IQCB1: variants seen among roughly 807,000 people sequenced by gnomAD.
IQCB1 encodes IQ calmodulin-binding motif-containing protein 1.
A neutral mutation model predicts 84.4 loss-of-function variants in IQCB1; 56 were observed. The ratio of observed to expected loss-of-function variants is 0.66; its 90% CI spans 0.54 to 0.83. The LOEUF is 0.83. Among genes scored for constraint, IQCB1 ranks in the 40% least tolerant of loss-of-function variants. The pLI is 0.00. For synonymous variants in IQCB1, 210 were observed against 234.8 expected (o/e 0.89, Z 0.96); for missense variants, 629 against 682.1 (o/e 0.92, Z 0.87).
At chr3:121,775,485 A>G (rs4676748) in intron 13 of IQCB1, among the ~76,000 whole-genome samples, 97,833 of 151,898 alleles carry the variant, frequency 0.64, 31,978 homozygotes, top group African/African-American at 0.72. Flanking sequence ...GGGGTAGGGA[A>G]CTAAGGGAGG....
intron 10 of IQCB1, among the ~76,000 whole-genome samples, chr3:121,794,129 G>C (rs760924696): frequency 3.0e-4 from 45 of 151,590 alleles, no homozygotes; most frequent in South Asian, 4.2e-4. Flanking sequence ...TCTAACCACA[G>C]AAATGCTTTT....
chr3:121,802,895 T>C (rs1367061090), intron 7 of IQCB1, among the ~76,000 whole-genome samples: 5 of 152,188 alleles, frequency 3.3e-5, no homozygotes, highest in African/African-American at 1.2e-4. Flanking sequence ...TAATTTCTAA[T>C]TTCACTTTTG....
Position 121,770,095 on chromosome 3 carries a change from C to CA in IQCB1, c.*249_*250insT. On this transcript the variant is annotated 3_prime_UTR_variant, in exon 15 of 15. Coordinates refer to ENST00000310864, the MANE Select transcript of IQCB1 (RefSeq NM_001023570.4). ...CACACTTCATGTAAACAACAGAACA[C>CA]TATGCTAAGTTTAGTTCTACAATAA... 1 of 421,512 alleles carries CA rather than the reference C, an allele frequency of 2.4e-6. No homozygotes were observed. The allele number at this position is 421,512 out of a possible 1,614,324, so 26.1% of individuals were successfully genotyped here.
intron 14 of IQCB1, among the ~76,000 whole-genome samples, chr3:121,772,122 C>G (rs1334088962): frequency 6.6e-6 from 1 of 152,010 alleles, no homozygotes. Context: ...TTGCAGTGAG[C>G]CAAGATCACA....
At position 121,795,442 on chromosome 3, in the gene IQCB1, A is replaced by T; in HGVS notation, c.986+15T>A. The T allele has an allele frequency of 7.2e-7, 1 of 1,380,220 alleles. No homozygotes were observed. The highest frequency in any genetic ancestry group is 1.0e-6 in the Non-Finnish European group (1 of 968,708). The allele number at this position is 1,380,220 out of a possible 1,614,324, so 85.5% of individuals were successfully genotyped here. A position where few individuals can be genotyped will look rare whatever the true frequency, so the allele number is the denominator to read the frequency against. ...AGATTCTATGATCATCAATCCCCTC[A>T]CCAAATTTTTTTACCTGAAACTCCT... is the stretch of plus-strand genomic sequence containing the variant. On this transcript the variant is annotated intron_variant, in intron 10 of 14. Transcript: ENST00000310864.
chr3:121,795,610 T>TAA, intron 9 of IQCB1, 44 bp from the exon 10 acceptor site: 8 of 1,025,208 alleles, frequency 7.8e-6, no homozygotes, highest in Admixed American at 2.3e-5. Context: ...AGGAAGGTCT[T>TAA]TAAAAAAAAA....
intron 5 of IQCB1, among the ~76,000 whole-genome samples, chr3:121,820,598 T>A (rs1342652248): frequency 6.6e-6 from 1 of 152,214 alleles, no homozygotes; most frequent in African/African-American, 2.4e-5. Flanking sequence ...CACTTGAAAA[T>A]GCAACTAACT....
At chr3:121,793,765 A>G (rs1949080741) in intron 10 of IQCB1, among the ~76,000 whole-genome samples, 1 of 152,206 alleles carries the variant, frequency 6.6e-6, no homozygotes, top group Admixed American at 6.5e-5. Flanking sequence ...AAAGAAAGCA[A>G]TGGAATTTCT....
intron 5 of IQCB1, among the ~76,000 whole-genome samples, chr3:121,825,531 T>G (rs1950437245): frequency 6.6e-6 from 1 of 152,124 alleles, no homozygotes; most frequent in Non-Finnish European, 1.5e-5. Context: ...TCTTCAAATA[T>G]TTGGAAATTA....
At chr3:121,809,825 AATG>A (rs1949757350) in intron 5 of IQCB1, among the ~76,000 whole-genome samples, 1 of 152,064 alleles carries the variant, frequency 6.6e-6, no homozygotes, top group Admixed American at 6.6e-5. Flanking sequence ...GCACAAAAGT[AATG>A]ATGAGACCCG....
At chr3:121,812,560 G>A (rs558752531) in intron 5 of IQCB1, among the ~76,000 whole-genome samples, 2 of 152,196 alleles carry the variant, frequency 1.3e-5, no homozygotes, top group African/African-American at 2.4e-5. Context: ...AGAATAACCA[G>A]TTTAGGAGAA....
At chr3:121,811,069 T>C (rs1417422346) in intron 5 of IQCB1, among the ~76,000 whole-genome samples, 1 of 152,104 alleles carries the variant, frequency 6.6e-6, no homozygotes, top group Admixed American at 6.5e-5. Context: ...TGATTCTGCA[T>C]TTCCAACTGA....
In IQCB1 at chr3:121,809,022, G is replaced by T; in HGVS notation, c.394-13C>A. 1 of 1,461,614 alleles carries T rather than the reference G, an allele frequency of 6.8e-7. No individual in the cohort carries two copies. The highest frequency in any genetic ancestry group is 9.6e-7 in the Non-Finnish European group (1 of 1,045,066). 90.5% of individuals were successfully genotyped at this position (1,461,614 alleles called of 1,614,324 possible). A position where few individuals can be genotyped will look rare whatever the true frequency, so the allele number is the denominator to read the frequency against. The stretch of plus-strand genomic sequence containing the variant: ...CTTTTTCTTCAGCCTTAACATAAAA[G>T]ATAAGCCCAGTTTACTTTTCTATAG... On this transcript the variant is annotated splice_polypyrimidine_tract_variant and intron_variant, in intron 5 of 14. Transcript: ENST00000310864.
chr3:121,804,559 T>G (rs1949535771), intron 7 of IQCB1, among the ~76,000 whole-genome samples: 1 of 152,154 alleles, frequency 6.6e-6, no homozygotes, highest in African/African-American at 2.4e-5. Flanking sequence ...TTACTTGTGT[T>G]GTTTCTGATA....
intron 12 of IQCB1, among the ~76,000 whole-genome samples, chr3:121,788,048 A>G (rs1181252952): frequency 1.3e-5 from 2 of 152,220 alleles, no homozygotes; most frequent in African/African-American, 4.8e-5. Context: ...AATAATTAAC[A>G]AAACAACATT....
intron 2 of IQCB1, among the ~76,000 whole-genome samples, chr3:121,829,230 G>A (rs760253364): frequency 5.9e-5 from 9 of 152,132 alleles, no homozygotes; most frequent in Non-Finnish European, 1.2e-4. Context: ...TAAGAGTCAG[G>A]AACTGTGATA....
At chr3:121,783,936 A>G (rs1285273373) in intron 12 of IQCB1, among the ~76,000 whole-genome samples, 1 of 152,146 alleles carries the variant, frequency 6.6e-6, no homozygotes, top group Non-Finnish European at 1.5e-5. Context: ...TCTTACTTCA[A>G]TACTTTTTAG....
intron 4 of IQCB1, 141 bp downstream of exon 4, chr3:121,828,329 T>G (rs1559803943): frequency 1.4e-6 from 1 of 702,246 alleles, no homozygotes; most frequent in East Asian, 2.8e-5. Flanking sequence ...TAATAACATA[T>G]AATATGAAGG....
At chr3:121,771,327 TA>T (rs950792516) in intron 14 of IQCB1, among the ~76,000 whole-genome samples, 29 of 152,022 alleles carry the variant, frequency 1.9e-4, no homozygotes, top group African/African-American at 7.0e-4. Context: ...ATGGCTTATT[TA>T]TTTATATTAT....
Sources: gnomAD v4.1 joint callset for allele counts (sites outside exome capture counted in the v4.1 genomes callset) on GRCh38, gnomAD v4.1.1 for gene constraint, MANE v1.5 for transcripts, NCBI Gene and HGNC (gene_info 2026-07-23, HGNC 2026-07-21) for gene names.